RBMS3: variants seen among roughly 807,000 people sequenced by gnomAD.
RBMS3 encodes the protein RNA-binding motif, single-stranded-interacting protein 3.
In RBMS3, 27 loss-of-function variants were observed where a neutral mutation model predicts 66.8. The observed-to-expected ratio is 0.40, with a 90% CI of 0.30 to 0.56. The LOEUF (loss-of-function observed/expected upper bound fraction) is 0.56. Ranked by LOEUF, RBMS3 falls within the 20% of genes least tolerant of loss-of-function variation. RBMS3 has a pLI of 0.40. For missense variants in RBMS3, 513 were observed against 549.5 expected (o/e 0.93, Z 0.66); for synonymous variants, 188 against 183.0 (o/e 1.03, Z -0.22).
chr3:29,944,272 C>T lies in RBMS3; in HGVS notation c.1098+18C>T. 2 of 1,562,342 alleles carry T rather than the reference C, an allele frequency of 1.3e-6. No homozygotes were observed. The highest frequency in any genetic ancestry group is 1.8e-6 in the Non-Finnish European group (2 of 1,133,982). On this transcript the variant is annotated intron_variant, in intron 12 of 14. Coordinates refer to ENST00000383767, the MANE Select transcript of RBMS3 (RefSeq NM_001003793.3). The stretch of plus-strand genomic sequence containing the variant: ...TGTGTCAGGTAGGAAAATTCTAATT[C>T]TTTTAAGACTGGATTGGAGGGGAGA...
At chr3:29,667,309 C>T (rs1382462421) in intron 4 of RBMS3, among the ~76,000 whole-genome samples, 17 of 152,088 alleles carry the variant, frequency 1.1e-4, no homozygotes, top group Non-Finnish European at 7.4e-5. Flanking sequence ...ATTTAATTCT[C>T]GGGCATTCTC....
chr3:29,997,242 C>T (rs1699307033), intron 14 of RBMS3, among the ~76,000 whole-genome samples: 1 of 152,070 alleles, frequency 6.6e-6, no homozygotes, highest in Non-Finnish European at 1.5e-5. Flanking sequence ...TCTGAATAGA[C>T]CAATAACAGG....
chr3:29,475,905 A>G (rs892689308), intron 2 of RBMS3, among the ~76,000 whole-genome samples: 2 of 152,204 alleles, frequency 1.3e-5, no homozygotes, highest in African/African-American at 4.8e-5. Flanking sequence ...AAAGATCTAT[A>G]AGACAACATT....
intron 12 of RBMS3, among the ~76,000 whole-genome samples, chr3:29,952,927 T>G (rs757679926): frequency 6.6e-5 from 10 of 151,792 alleles, no homozygotes; most frequent in Non-Finnish European, 1.5e-4. Context: ...ATATGAAGAT[T>G]TGGTAAAAAT....
intron 4 of RBMS3, among the ~76,000 whole-genome samples, chr3:29,674,627 TC>T (rs1416242906): frequency 6.7e-6 from 1 of 149,566 alleles, no homozygotes; most frequent in East Asian, 2.0e-4. Context: ...GAGAGCCAAA[TC>T]ATGAGTGAAC....
chr3:29,597,711 C>G (rs1415239646), intron 4 of RBMS3, among the ~76,000 whole-genome samples: 1 of 152,048 alleles, frequency 6.6e-6, no homozygotes. Context: ...CAAAACAAAA[C>G]CAGACTTTTT....
At chr3:29,572,980 AT>A (rs1442489326) in intron 3 of RBMS3, among the ~76,000 whole-genome samples, 1 of 151,512 alleles carries the variant, frequency 6.6e-6, no homozygotes, top group African/African-American at 2.4e-5. Context: ...TTTCTTCATA[AT>A]TCGATCTTGG....
intron 3 of RBMS3, among the ~76,000 whole-genome samples, chr3:29,532,792 CA>C (rs1030464609): frequency 2.0e-5 from 3 of 151,938 alleles, no homozygotes; most frequent in Non-Finnish European, 4.4e-5. Context: ...ATCATTAGTG[CA>C]AAGCAACTCA....
chr3:29,743,548 T>TC (rs2149354562), intron 5 of RBMS3, among the ~76,000 whole-genome samples: 1 of 152,134 alleles, frequency 6.6e-6, no homozygotes, highest in South Asian at 2.1e-4. Context: ...TGTTCAGCAG[T>TC]CTGTAATCTG....
intron 1 of RBMS3, among the ~76,000 whole-genome samples, chr3:29,404,345 G>C (rs1180295698): frequency 2.0e-5 from 3 of 152,058 alleles, no homozygotes. Flanking sequence ...TTTATAAAAT[G>C]AAGTGAGAAC....
chr3:29,364,708 G>A (rs929005888), intron 1 of RBMS3, among the ~76,000 whole-genome samples: 22 of 152,274 alleles, frequency 1.4e-4, no homozygotes, highest in African/African-American at 4.3e-4. Context: ...ATGCATAGAT[G>A]TGTGTCTCCT....
At chr3:29,911,524 C>G (rs2060512189) in intron 10 of RBMS3, among the ~76,000 whole-genome samples, 1 of 152,088 alleles carries the variant, frequency 6.6e-6, no homozygotes, top group Non-Finnish European at 1.5e-5. Flanking sequence ...AAGTTCTCCA[C>G]TCAGAGTTGA....
intron 1 of RBMS3, among the ~76,000 whole-genome samples, chr3:29,343,137 A>G (rs770481393): frequency 6.6e-6 from 1 of 152,154 alleles, no homozygotes; most frequent in Non-Finnish European, 1.5e-5. Flanking sequence ...CTAATGTAGT[A>G]GTATAAAAAC....
intron 1 of RBMS3, among the ~76,000 whole-genome samples, chr3:29,335,280 G>A (rs150466140): frequency 2.5e-4 from 38 of 152,148 alleles, no homozygotes; most frequent in African/African-American, 7.5e-4. Flanking sequence ...ATGATAATGC[G>A]TACTGATACA....
intron 6 of RBMS3, among the ~76,000 whole-genome samples, chr3:29,840,827 A>G (rs904725752): frequency 6.6e-6 from 1 of 151,896 alleles, no homozygotes; most frequent in Non-Finnish European, 1.5e-5. Context: ...ATGTCCCTAT[A>G]AAATATATTT....
chr3:29,805,405 A>C (rs1236973288), intron 6 of RBMS3, among the ~76,000 whole-genome samples: 1 of 152,094 alleles, frequency 6.6e-6, no homozygotes, highest in East Asian at 1.9e-4. Flanking sequence ...TACTCTTTGT[A>C]CTTATAGAAT....
intron 1 of RBMS3, among the ~76,000 whole-genome samples, chr3:29,375,907 A>G (rs917456230): frequency 2.0e-4 from 31 of 152,192 alleles, no homozygotes; most frequent in Admixed American, 1.7e-3. Flanking sequence ...GTGCGTGCTC[A>G]TTGTAGCACT....
intron 7 of RBMS3, among the ~76,000 whole-genome samples, chr3:29,881,232 C>G (rs1316906284): frequency 6.6e-6 from 1 of 152,124 alleles, no homozygotes; most frequent in African/African-American, 2.4e-5. Context: ...CAGGGCTCTG[C>G]TCAGCTGTAC....
At chr3:29,892,486 AC>A (rs2060023450) in intron 8 of RBMS3, among the ~76,000 whole-genome samples, 1 of 151,468 alleles carries the variant, frequency 6.6e-6, no homozygotes, top group Non-Finnish European at 1.5e-5. Context: ...AGTTGCGATA[AC>A]AAAAAATGTC....
Sources: allele counts gnomAD v4.1 joint callset (sites outside exome capture counted in the v4.1 genomes callset), GRCh38; gene constraint gnomAD v4.1.1; transcripts MANE v1.5; gene names NCBI Gene and HGNC (gene_info 2026-07-23, HGNC 2026-07-21).